The following TMEM117 variants were observed in gnomAD, a reference collection of about 807,000 sequenced individuals.
The protein encoded by TMEM117 is transmembrane protein 117.
Under a neutral mutation model 52.4 loss-of-function variants are expected in TMEM117, and 27 were observed. The ratio of observed to expected loss-of-function variants is 0.51; its 90% CI spans 0.38 to 0.71. TMEM117 has a LOEUF of 0.71. Among genes scored for constraint, TMEM117 ranks in the 30% least tolerant of loss-of-function variants. The pLI is 0.00. For missense variants in TMEM117, 556 were observed against 630.5 expected (o/e 0.88, Z 1.26); for synonymous variants, 215 against 206.3 (o/e 1.04, Z -0.36).
intron 6 of TMEM117, chr12:44,318,236 A>C (rs1203838386): frequency 6.6e-6 from 1 of 152,310 alleles, no homozygotes; most frequent in African/African-American, 2.4e-5. Context: ...GTCCTGTTAC[A>C]TCACAATCTA....
chr12:44,039,666 C>T (rs567985229), intron 3 of TMEM117, among the ~76,000 whole-genome samples: 9 of 151,878 alleles, frequency 5.9e-5, no homozygotes, highest in South Asian at 4.2e-4. Context: ...TCTGTGAATG[C>T]GTTATACTTT....
At chr12:44,010,940 A>AAAGTCTTT (rs1274629924) in intron 3 of TMEM117, among the ~76,000 whole-genome samples, 3 of 152,196 alleles carry the variant, frequency 2.0e-5, no homozygotes, top group East Asian at 3.8e-4. Flanking sequence ...AACAGAAACA[A>AAAGTCTTT]AAGTCTTTAT....
At position 44,086,214 on chromosome 12, in the gene TMEM117, C is replaced by CTT. The variant is rs772258917; in HGVS notation, c.411-57294_411-57293dup. 2.9e-3 allele frequency among the ~76,000 whole-genome samples: 368 copies of CTT among 125,376 alleles called. 3 individuals are homozygous for CTT. Among genetic ancestry groups the CTT allele is most frequent in the African/African-American group, 0.01 (341 of 32,646 alleles). 82.3% of individuals were successfully genotyped at this position (125,376 alleles called of 152,430 possible). ...AGTATCTTGGATGTTGCTTCCAAGT[C>CTT]TTTTTTTTTTTTTTTTTTGAGATGG... is the stretch of plus-strand genomic sequence containing the variant. On this transcript the variant is annotated intron_variant, in intron 3 of 7. Coordinates refer to ENST00000266534, the MANE Select transcript of TMEM117 (RefSeq NM_032256.3).
intron 4 of TMEM117, among the ~76,000 whole-genome samples, chr12:44,204,214 A>G (rs1258069073): frequency 6.6e-6 from 1 of 152,174 alleles, no homozygotes; most frequent in Non-Finnish European, 1.5e-5. Flanking sequence ...CAATTTCTGT[A>G]AAGTTTCAGG....
At chr12:44,387,584 T>C (rs80162679) in intron 7 of TMEM117, among the ~76,000 whole-genome samples, 2,916 of 152,258 alleles carry the variant, frequency 0.019, 42 homozygotes, top group Non-Finnish European at 0.03. Context: ...GTGCTTGCAT[T>C]GCAAAATGAT....
chr12:43,990,862 A>C (rs993940550), intron 3 of TMEM117, among the ~76,000 whole-genome samples: 1 of 152,220 alleles, frequency 6.6e-6, no homozygotes, highest in African/African-American at 2.4e-5. Flanking sequence ...CTTTCCTTGG[A>C]ATATATCCCT....
intron 3 of TMEM117, among the ~76,000 whole-genome samples, chr12:44,099,986 T>TA (rs943528349): frequency 1.3e-5 from 2 of 151,392 alleles, no homozygotes; most frequent in Non-Finnish European, 1.5e-5. Context: ...AATATCAGAC[T>TA]AAAAAAAAGC....
chr12:43,819,120 G>A, the TMEM117 span, among the ~76,000 whole-genome samples: 2 of 152,182 alleles, frequency 1.3e-5, no homozygotes, highest in African/African-American at 4.8e-5. Flanking sequence ...ATGGCGGAGG[G>A]GAGGAGGGGA....
intron 5 of TMEM117, among the ~76,000 whole-genome samples, chr12:44,230,891 C>A (rs1299710842): frequency 6.6e-6 from 1 of 151,750 alleles, no homozygotes; most frequent in African/African-American, 2.4e-5. Context: ...ATATTTTATC[C>A]CTCCTCCCTG....
intron 6 of TMEM117, among the ~76,000 whole-genome samples, chr12:44,313,340 T>C (rs1951014893): frequency 6.6e-6 from 1 of 152,238 alleles, no homozygotes; most frequent in Non-Finnish European, 1.5e-5. Context: ...TATCCAGTTA[T>C]CTCAGCACCA....
At chr12:43,984,283 G>A (rs549163311) in intron 3 of TMEM117, among the ~76,000 whole-genome samples, 3 of 152,036 alleles carry the variant, frequency 2.0e-5, no homozygotes, top group East Asian at 1.9e-4. Context: ...CATGAGAATC[G>A]CTTAAACCCG....
At chr12:43,813,231 G>GCTTTTTTTTTTTTTTTTTT in the TMEM117 span, among the ~76,000 whole-genome samples, 47 of 62,664 alleles carry the variant, frequency 7.5e-4, 1 homozygote, top group African/African-American at 2.6e-3. Flanking sequence ...GTTTTCTCTT[G>GCTTTTTTTTTTTTTTTTTT]TTTTTTTTTT....
At chr12:44,263,207 T>A (rs1335112203) in intron 5 of TMEM117, among the ~76,000 whole-genome samples, 1 of 152,180 alleles carries the variant, frequency 6.6e-6, no homozygotes, top group African/African-American at 2.4e-5. Flanking sequence ...GAAATCTGCT[T>A]CTCTGTGGTG....
rs186307896 is a variant in TMEM117, at chr12:44,319,604, G to T, written c.768+19865G>T. ...AAATGTATGATTTTGCTGTTTCCAAGTGGCTAAGACACACTGCAAGCTTCT... is the reference window on the plus strand; with the variant it reads ...AAATGTATGATTTTGCTGTTTCCAATTGGCTAAGACACACTGCAAGCTTCT... On this transcript the variant is annotated intron_variant, in intron 6 of 7. Transcript: ENST00000266534. Among the ~76,000 whole-genome samples, 41 of 152,254 alleles carry T rather than the reference G, an allele frequency of 2.7e-4. 1 individual carries two copies. The highest frequency in any genetic ancestry group is 9.1e-4 in the African/African-American group (38 of 41,532).
At chr12:44,079,994 G>A (rs1372069088) in intron 3 of TMEM117, among the ~76,000 whole-genome samples, 4 of 147,278 alleles carry the variant, frequency 2.7e-5, no homozygotes, top group African/African-American at 1.0e-4. Context: ...TTCCAGCCTG[G>A]GCGACAGAGT....
chr12:44,217,947 G>A (rs1309547538), intron 5 of TMEM117, among the ~76,000 whole-genome samples: 1 of 152,100 alleles, frequency 6.6e-6, no homozygotes, highest in Non-Finnish European at 1.5e-5. Flanking sequence ...ACCAGGCTGG[G>A]GTGCGGTGGC....
chr12:44,118,917 G>A (rs1948189813), intron 3 of TMEM117, among the ~76,000 whole-genome samples: 1 of 152,022 alleles, frequency 6.6e-6, no homozygotes, highest in African/African-American at 2.4e-5. Flanking sequence ...GTGTCATTTG[G>A]GAATATGATG....
intron 3 of TMEM117, among the ~76,000 whole-genome samples, chr12:44,134,396 G>A (rs906372560): frequency 1.3e-5 from 2 of 152,004 alleles, no homozygotes; most frequent in Non-Finnish European, 2.9e-5. Context: ...TTTTGGTTTT[G>A]TAGAGATGTG....
At chr12:43,844,961 C>T (rs771397030) in intron 2 of TMEM117, 33 bp downstream of exon 2, 15 of 1,569,124 alleles carry the variant, frequency 9.6e-6, no homozygotes, top group Middle Eastern at 1.7e-4. Context: ...TGTAATATCA[C>T]TAATTATTTA....
Sources: gnomAD v4.1 joint callset for allele counts (sites outside exome capture counted in the v4.1 genomes callset) on GRCh38, gnomAD v4.1.1 for gene constraint, MANE v1.5 for transcripts, NCBI Gene and HGNC (gene_info 2026-07-23, HGNC 2026-07-21) for gene names.